The following SH3GL1 variants were observed in gnomAD, a reference collection of about 807,000 sequenced individuals.
SH3GL1 encodes the protein endophilin-A2.
SH3GL1 carries 21 observed loss-of-function variants against 48.8 expected under a neutral mutation model. That is an observed-to-expected ratio of 0.43 (90% CI 0.30 to 0.62). The LOEUF is 0.62. Among genes scored for constraint, SH3GL1 ranks in the 20% least tolerant of loss-of-function variants. The pLI is 0.11. For synonymous variants in SH3GL1, 282 were observed against 217.5 expected (o/e 1.30, Z -2.61); for missense variants, 454 against 503.0 (o/e 0.90, Z 0.93).
At chr19:4,368,899 G>A (rs969840613) in intron 1 of SH3GL1, among the ~76,000 whole-genome samples, 4 of 152,174 alleles carry the variant, frequency 2.6e-5, no homozygotes, top group East Asian at 3.9e-4. Context: ...GTGAAACCCC[G>A]TCTCTACTAA....
intron 1 of SH3GL1, among the ~76,000 whole-genome samples, chr19:4,391,978 C>T (rs1378699659): frequency 1.3e-5 from 2 of 152,244 alleles, no homozygotes; most frequent in African/African-American, 2.4e-5. Flanking sequence ...TAACTCCATT[C>T]CCATCATACG....
Position 4,363,808 on chromosome 19 carries a change from G to A in SH3GL1, c.536C>T (p.Pro179Leu). Residue 179 changes from proline to leucine, a missense_variant, in exon 6 of 10, where the codon CCC becomes CTC. Pro to Leu is a moderately conservative substitution (Grantham distance 98). This residue lies in a region of SH3GL1 where 176 missense variants were observed against 256.2 expected (regional missense o/e 0.69). Transcript: ENST00000269886. ...CAGCGCCTGGCGTAGCTCCTCATCG[G>A]GGATCTTGCCCTGCCGCTTCTTCTT... ...DYKKKRQGKIPDEELRQALEK... is the reference protein window; with the variant it reads ...DYKKKRQGKILDEELRQALEK... 6.2e-7 allele frequency: 1 copy of A among 1,613,672 alleles called. No individual in the cohort carries two copies. The highest frequency in any genetic ancestry group is 8.5e-7 in the Non-Finnish European group (1 of 1,180,042).
At chr19:4,397,915 T>C (rs1262913329) in intron 1 of SH3GL1, among the ~76,000 whole-genome samples, 2 of 152,130 alleles carry the variant, frequency 1.3e-5, no homozygotes, top group Non-Finnish European at 2.9e-5. Context: ...GGCACGATCA[T>C]AGTTCACTGC....
At chr19:4,365,327 G>T (rs994122784) in intron 4 of SH3GL1, among the ~76,000 whole-genome samples, 155 bp downstream of exon 4, 2 of 152,140 alleles carry the variant, frequency 1.3e-5, no homozygotes, top group Non-Finnish European at 2.9e-5. Flanking sequence ...GGATGGGTTG[G>T]TCTGTGCAGT....
chr19:4,399,968 T>C (rs1973492712), intron 1 of SH3GL1, among the ~76,000 whole-genome samples: 1 of 152,192 alleles, frequency 6.6e-6, no homozygotes, highest in African/African-American at 2.4e-5. Flanking sequence ...GGCTCTGGGT[T>C]ATCTGGCAAG....
chr19:4,380,174 C>T (rs1278505232), intron 1 of SH3GL1: 1 of 152,468 alleles, frequency 6.6e-6, no homozygotes, highest in Non-Finnish European at 1.5e-5. Context: ...GAAACTCTCC[C>T]TCCTTTCCTT....
Position 4,361,253 on chromosome 19 carries a change from G to T in SH3GL1, c.*347C>A. 2.7e-6 allele frequency: 1 copy of T among 366,306 alleles called. No individual in the cohort carries two copies. The highest frequency in any genetic ancestry group is 5.0e-6 in the Non-Finnish European group (1 of 198,634). The allele number at this position is 366,306 out of a possible 1,614,324, so 22.7% of individuals were successfully genotyped here. A position where few individuals can be genotyped will look rare whatever the true frequency, so the allele number is the denominator to read the frequency against. Reference sequence around the variant, plus strand: ...TCGGGTCAGGACGGAGGTGGGGGCTGCCCCAGAGGAACATTAGTGTTTCTA... The same window carrying T: ...TCGGGTCAGGACGGAGGTGGGGGCTTCCCCAGAGGAACATTAGTGTTTCTA... On this transcript the variant is annotated 3_prime_UTR_variant, in exon 10 of 10. Transcript: ENST00000269886.
In SH3GL1 at chr19:4,363,861, C is replaced by T; in HGVS notation, c.483G>A (p.Leu161=). 6.2e-7 allele frequency: 1 copy of T among 1,612,604 alleles called. No individual in the cohort carries two copies. Among genetic ancestry groups the T allele is most frequent in the Non-Finnish European group, 8.5e-7 (1 of 1,180,040 alleles). ...AGTCAAAGTCCAGGCGGCGGCCCTC[C>T]AGTTTCTTCAGGTGGTGCTGGAGAC... ...LKEIQHHLKK[L]EGRRLDFDYK... The change falls in exon 6 of 10, where the codon CTG becomes CTA. Residue 161 remains leucine, a synonymous_variant. Coordinates refer to ENST00000269886, the MANE Select transcript of SH3GL1 (RefSeq NM_003025.4).
rs1027217859 is a variant in SH3GL1, at chr19:4,400,201, G to A, written c.45+123C>T. 5.9e-5 allele frequency: 63 copies of A among 1,075,878 alleles called. No homozygotes were observed. The highest frequency in any genetic ancestry group is 7.6e-5 in the Non-Finnish European group (58 of 767,716). The allele number at this position is 1,075,878 out of a possible 1,614,324, so 66.6% of individuals were successfully genotyped here. ...GTCCCTTGGTCTTCCCACCTGGCAG[G>A]GGACACGCGCCAACGTCCCCACCTC... On this transcript the variant is annotated intron_variant, in intron 1 of 9. Coordinates refer to ENST00000269886, the MANE Select transcript of SH3GL1 (RefSeq NM_003025.4). This position sits in a 1 kb window ranked among gnomAD's most constrained non-coding sequence, Gnocchi z 4.1.
rs1973303208 is a variant in SH3GL1 at position 4,389,815 on chromosome 19, G to A, written c.45+10509C>T. Reference sequence around the variant, plus strand: ...CCGGCGGCAATGGGCTCATATTCCAGTGGCAACGGCAATGGAATAATCACT... The same window carrying A: ...CCGGCGGCAATGGGCTCATATTCCAATGGCAACGGCAATGGAATAATCACT... On this transcript the variant is annotated intron_variant, in intron 1 of 9. Transcript: ENST00000269886. This position sits in a 1 kb window ranked among gnomAD's most constrained non-coding sequence, Gnocchi z 4.5. 6.6e-6 allele frequency among the ~76,000 whole-genome samples: 1 copy of A among 152,228 alleles called. No individual in the cohort carries two copies. Among genetic ancestry groups the A allele is most frequent in the Non-Finnish European group, 1.5e-5 (1 of 68,038 alleles).
chr19:4,393,651 G>A lies in SH3GL1; in HGVS notation c.45+6673C>T, dbSNP rs552586909. The stretch of plus-strand genomic sequence containing the variant: ...CTAAAAATACAAAAATGAGCTGGGC[G>A]TGGTGGTATGTGCCTGTAATCCCAG... On this transcript the variant is annotated intron_variant, in intron 1 of 9. Coordinates refer to ENST00000269886, the MANE Select transcript of SH3GL1 (RefSeq NM_003025.4). Among the ~76,000 whole-genome samples, 28 of 152,026 alleles carry A rather than the reference G, an allele frequency of 1.8e-4. No homozygotes were observed. The South Asian group carries it at 4.8e-3, about 26-fold the overall frequency.
Position 4,362,332 on chromosome 19 carries a change from T to C in SH3GL1, c.907A>G (p.Met303Val). The change falls in exon 9 of 10, where the codon ATG becomes GTG. Residue 303 changes from methionine (M) to valine (V), a missense_variant. Transcript: ENST00000269886. ...AGGCGGGCCTGGGAACACTCACGCA[T>C]GCTCCGGCTAGGGGTCCGGATGGGC... ...DKPIRTPSRS[M>V]PPLDQPSCKA... 3 of 1,611,652 alleles carry C rather than the reference T, an allele frequency of 1.9e-6. No homozygotes were observed. The highest frequency in any genetic ancestry group is 2.5e-6 in the Non-Finnish European group (3 of 1,178,828).
chr19:4,370,978 C>CCCACCTGCACCCG (rs1972888406), intron 1 of SH3GL1, among the ~76,000 whole-genome samples: 1 of 152,268 alleles, frequency 6.6e-6, no homozygotes, highest in Non-Finnish European at 1.5e-5. Context: ...GCTCACGCAT[C>CCCACCTGCACCCG]CCACCTGCAC....
chr19:4,365,728 C>T, intron 3 of SH3GL1, 103 bp from the exon 4 acceptor site: 2 of 1,510,502 alleles, frequency 1.3e-6, no homozygotes, highest in Non-Finnish European at 1.8e-6. Flanking sequence ...CTTCCTGTGC[C>T]TGTGGACAGC....
rs557813572 is a variant in SH3GL1, at chr19:4,382,787, A to C, written c.46-15793T>G. Among the ~76,000 whole-genome samples, 3 of 152,238 alleles carry C rather than the reference A, an allele frequency of 2.0e-5. No individual in the cohort carries two copies. In the South Asian group the frequency reaches 6.2e-4, roughly 32 times the overall value. On this transcript the variant is annotated intron_variant, in intron 1 of 9. Coordinates refer to ENST00000269886, the MANE Select transcript of SH3GL1 (RefSeq NM_003025.4). Reference sequence around the variant, plus strand: ...TCGTTATTCGTGGCAGCTCTGTTCTAGAAAGCTACCTCAAGCACAGAGTTG... The same window carrying C: ...TCGTTATTCGTGGCAGCTCTGTTCTCGAAAGCTACCTCAAGCACAGAGTTG...
At chr19:4,385,817 C>A (rs533913406) in intron 1 of SH3GL1, among the ~76,000 whole-genome samples, 1 of 152,218 alleles carries the variant, frequency 6.6e-6, no homozygotes, top group Non-Finnish European at 1.5e-5. Context: ...AGCATTCCAG[C>A]GGCCTCCGAG....
intron 4 of SH3GL1, among the ~76,000 whole-genome samples, chr19:4,364,916 A>ATTTT (rs35880496): frequency 5.2e-5 from 6 of 116,212 alleles, no homozygotes; most frequent in African/African-American, 1.9e-4. Context: ...ATATATATAT[A>ATTTT]TTTTTTTTTT....
In SH3GL1 at chr19:4,361,547, G is replaced by C. The variant is rs956985771; in HGVS notation, c.*53C>G. On this transcript the variant is annotated 3_prime_UTR_variant, in exon 10 of 10. Transcript: ENST00000269886. Reference sequence around the variant, plus strand: ...GGCTCCGTGGAATGCAGGAGACCCAGCAGGGGGTGCCGGCCAGTGTGGACG... The same window carrying C: ...GGCTCCGTGGAATGCAGGAGACCCACCAGGGGGTGCCGGCCAGTGTGGACG... 8 of 1,396,034 alleles carry C rather than the reference G, an allele frequency of 5.7e-6. No individual in the cohort carries two copies. In the East Asian group the frequency reaches 1.4e-4, roughly 24 times the overall value. 86.5% of individuals were successfully genotyped at this position (1,396,034 alleles called of 1,614,324 possible). A position where few individuals can be genotyped will look rare whatever the true frequency, so the allele number is the denominator to read the frequency against.
In SH3GL1 at chr19:4,376,252, C is replaced by A. The variant is rs1336071347; in HGVS notation, c.46-9258G>T. Among the ~76,000 whole-genome samples the A allele has an allele frequency of 6.6e-6, 1 of 152,192 alleles. No individual in the cohort carries two copies. The highest frequency in any genetic ancestry group is 1.9e-4 in the East Asian group (1 of 5,190). ...CCATTTCTTTGTGACTGTGGGCCAC[C>A]ATGGGCATGAGTCACCTGTCACCAG... On this transcript the variant is annotated intron_variant, in intron 1 of 9. Coordinates refer to ENST00000269886, the MANE Select transcript of SH3GL1 (RefSeq NM_003025.4). The surrounding 1 kb of genome is among the most constrained non-coding windows in gnomAD (Gnocchi z 4.3).
Sources: gnomAD v4.1 joint callset for allele counts (sites outside exome capture counted in the v4.1 genomes callset) on GRCh38, gnomAD v4.1.1 for gene constraint, gnomAD v4.1.1 regional missense constraint, Gnocchi (gnomAD v3.1) non-coding constraint, MANE v1.5 for transcripts, NCBI Gene and HGNC (gene_info 2026-07-23, HGNC 2026-07-21) for gene names.